IFT80: variants seen among roughly 807,000 people sequenced by gnomAD.
IFT80 encodes intraflagellar transport protein 80 homolog.
A neutral mutation model predicts 107.9 loss-of-function variants in IFT80; 79 were observed. That is an observed-to-expected ratio of 0.73 (90% CI 0.61 to 0.88). The LOEUF (loss-of-function observed/expected upper bound fraction) is 0.88, where lower values mean the gene tolerates loss of function less well. Among genes scored for constraint, IFT80 ranks in the 40% least tolerant of loss-of-function variants. The pLI, the probability that IFT80 is intolerant of heterozygous loss-of-function variation, is 0.00. For missense variants in IFT80, 797 were observed against 914.2 expected, an observed-to-expected ratio of 0.87 and a Z score of 1.65; for synonymous variants, 299 against 300.9, an observed-to-expected ratio of 0.99 and a Z score of 0.07.
intron 5 of IFT80, among the ~76,000 whole-genome samples, chr3:160,372,028 C>T (rs1236162974): frequency 2.0e-5 from 3 of 152,104 alleles, no homozygotes; most frequent in Admixed American, 6.6e-5. Context: ...GTCAAATCCC[C>T]CCACCCAAAA....
At chr3:160,345,118 T>C (rs1720193425) in intron 8 of IFT80, among the ~76,000 whole-genome samples, 2 of 152,118 alleles carry the variant, frequency 1.3e-5, no homozygotes, top group African/African-American at 4.8e-5. Context: ...AGAATCAGTA[T>C]ATCCAAGAGC....
chr3:160,369,685 T>A (rs925130400), intron 5 of IFT80, among the ~76,000 whole-genome samples: 4 of 152,050 alleles, frequency 2.6e-5, no homozygotes, highest in African/African-American at 9.7e-5. Context: ...CTTTGCAAAG[T>A]CAGCATGGAA....
intron 16 of IFT80, among the ~76,000 whole-genome samples, chr3:160,278,027 G>A (rs568836189): frequency 6.6e-6 from 1 of 152,262 alleles, no homozygotes; most frequent in South Asian, 2.1e-4. Flanking sequence ...ATGATATTAT[G>A]GTAGATTGCT....
chr3:160,354,608 G>A (rs893648312), intron 8 of IFT80, among the ~76,000 whole-genome samples: 5 of 152,078 alleles, frequency 3.3e-5, no homozygotes, highest in Non-Finnish European at 7.4e-5. Flanking sequence ...AGCTGAGACC[G>A]CACCACTGCA....
intron 9 of IFT80, among the ~76,000 whole-genome samples, chr3:160,315,582 A>AT (rs1717759309): frequency 6.6e-6 from 1 of 152,020 alleles, no homozygotes; most frequent in Non-Finnish European, 1.5e-5. Context: ...GGGTCTCAAG[A>AT]TTTTTATTTT....
At position 160,271,520 on chromosome 3, in the gene IFT80, G is replaced by C. The variant is rs1197778372; in HGVS notation, c.2100-2984C>G. On this transcript the variant is annotated intron_variant, in intron 18 of 19. Transcript: ENST00000326448. Reference sequence around the variant, plus strand: ...CTCTTAACTTCAGTTTTTGAGAACAGACTACTACCAAATGTCCAAAGTGGA... The same window carrying C: ...CTCTTAACTTCAGTTTTTGAGAACACACTACTACCAAATGTCCAAAGTGGA... 2.0e-5 allele frequency among the ~76,000 whole-genome samples: 3 copies of C among 152,036 alleles called. No homozygotes were observed. In the East Asian group the frequency reaches 5.8e-4, roughly 29 times the overall value.
At chr3:160,321,829 T>C (rs2108300968) in intron 8 of IFT80, among the ~76,000 whole-genome samples, 1 of 151,792 alleles carries the variant, frequency 6.6e-6, no homozygotes, top group African/African-American at 2.4e-5. Flanking sequence ...ATTTTTATTT[T>C]TTTATATGTG....
intron 14 of IFT80, among the ~76,000 whole-genome samples, chr3:160,281,033 T>C (rs993750897): frequency 6.6e-6 from 1 of 152,208 alleles, no homozygotes; most frequent in Non-Finnish European, 1.5e-5. Context: ...TTTTAATCTG[T>C]AAATCTTTCT....
At chr3:160,294,512 T>C (rs1229402507) in intron 12 of IFT80, among the ~76,000 whole-genome samples, 1 of 152,268 alleles carries the variant, frequency 6.6e-6, no homozygotes, top group African/African-American at 2.4e-5. Context: ...TAAGCCACCA[T>C]GTCCAGCCAA....
chr3:160,393,327 T>C (rs947959529), intron 1 of IFT80, among the ~76,000 whole-genome samples: 11 of 152,226 alleles, frequency 7.2e-5, no homozygotes, highest in Non-Finnish European at 1.5e-4. Context: ...TGTGTGGATA[T>C]ATGTGTTTAT....
At chr3:160,295,422 T>C (rs1576766550) in intron 12 of IFT80, among the ~76,000 whole-genome samples, 1 of 151,912 alleles carries the variant, frequency 6.6e-6, no homozygotes, top group African/African-American at 2.4e-5. Context: ...CCGGGCAACA[T>C]AGTGAGCCAT....
rs1297961843 is a variant in IFT80 at position 160,270,753 on chromosome 3, C to T, written c.2100-2217G>A. Reference sequence around the variant, plus strand: ...TCCCATATAATCCCCCCATGTATATCCCTAAGGCTCTGATTCCAGTTGTGT... The same window carrying T: ...TCCCATATAATCCCCCCATGTATATTCCTAAGGCTCTGATTCCAGTTGTGT... On this transcript the variant is annotated intron_variant, in intron 18 of 19. Transcript: ENST00000326448. Among the ~76,000 whole-genome samples, 6 of 152,140 alleles carry T rather than the reference C, an allele frequency of 3.9e-5. No homozygotes were observed. In the East Asian group the frequency reaches 1.2e-3, roughly 29 times the overall value.
At chr3:160,375,356 C>G (rs1338501176) in intron 5 of IFT80, among the ~76,000 whole-genome samples, 2 of 151,984 alleles carry the variant, frequency 1.3e-5, no homozygotes, top group Non-Finnish European at 2.9e-5. Flanking sequence ...TGTCTGTTCC[C>G]CTCCATCAGT....
intron 19 of IFT80, among the ~76,000 whole-genome samples, chr3:160,267,387 T>C (rs529651029): frequency 2.2e-4 from 34 of 152,338 alleles, no homozygotes; most frequent in African/African-American, 8.2e-4. Flanking sequence ...CCACATAATC[T>C]ATAAGCTCCA....
intron 8 of IFT80, among the ~76,000 whole-genome samples, chr3:160,346,865 T>C (rs1344292861): frequency 6.6e-6 from 1 of 152,186 alleles, no homozygotes; most frequent in Non-Finnish European, 1.5e-5. Flanking sequence ...AAATGAAAGA[T>C]ATTCCAGTGA....
intron 6 of IFT80, among the ~76,000 whole-genome samples, chr3:160,359,882 C>A (rs982423786): frequency 1.3e-5 from 2 of 152,212 alleles, no homozygotes; most frequent in Non-Finnish European, 2.9e-5. Context: ...GTAGATAAAA[C>A]CACAAAGATG....
chr3:160,288,327 C>G (rs549906529), intron 12 of IFT80, among the ~76,000 whole-genome samples: 6 of 151,928 alleles, frequency 3.9e-5, no homozygotes, highest in African/African-American at 1.5e-4. Flanking sequence ...AGCGAGACTC[C>G]GTTTCAAAAA....
chr3:160,262,876 A>C (rs1953510), intron 19 of IFT80, among the ~76,000 whole-genome samples: 145,949 of 152,188 alleles, frequency 0.96, 70,020 homozygotes, highest in East Asian at 1. Context: ...ATAGCTTTCT[A>C]ACACTTTCCC....
intron 8 of IFT80, among the ~76,000 whole-genome samples, chr3:160,321,001 C>T (rs1718174116): frequency 6.6e-6 from 1 of 151,918 alleles, no homozygotes; most frequent in Non-Finnish European, 1.5e-5. Flanking sequence ...TCTCCCCACC[C>T]TCCAACTTTG....
Sources: allele counts gnomAD v4.1 joint callset (sites outside exome capture counted in the v4.1 genomes callset), GRCh38; gene constraint gnomAD v4.1.1; transcripts MANE v1.5; gene names NCBI Gene and HGNC (gene_info 2026-07-23, HGNC 2026-07-21).